XPR1: variants seen among roughly 807,000 people sequenced by gnomAD.
The protein encoded by XPR1 is solute carrier family 53 member 1.
In XPR1, 28 loss-of-function variants were observed where a neutral mutation model predicts 87.5. That is an observed-to-expected ratio of 0.32 (90% confidence interval 0.24 to 0.44). The LOEUF (loss-of-function observed/expected upper bound fraction) is 0.44. Ranked by LOEUF, XPR1 falls within the 20% of genes least tolerant of loss-of-function variation. The pLI, the probability that XPR1 is intolerant of heterozygous loss-of-function variation, is 1.00. For synonymous variants in XPR1, 300 were observed against 306.1 expected, an observed-to-expected ratio of 0.98 and a Z score of 0.21; for missense variants, 559 against 862.3, an observed-to-expected ratio of 0.65 and a Z score of 4.41.
At chr1:180,730,764 G>A (rs1194462560) in intron 2 of XPR1, among the ~76,000 whole-genome samples, 2 of 152,114 alleles carry the variant, frequency 1.3e-5, no homozygotes, top group East Asian at 3.9e-4. Flanking sequence ...CCATGCTCAA[G>A]TGATCCTCCC....
intron 2 of XPR1, among the ~76,000 whole-genome samples, chr1:180,704,539 A>T (rs938023130): frequency 1.5e-4 from 22 of 151,278 alleles, no homozygotes; most frequent in Non-Finnish European, 1.5e-5. Flanking sequence ...TTTTCCAAAG[A>T]TGACCAGTGA....
At chr1:180,829,626 C>G (rs1178565222) in intron 9 of XPR1, among the ~76,000 whole-genome samples, 4 of 151,968 alleles carry the variant, frequency 2.6e-5, no homozygotes, top group Non-Finnish European at 5.9e-5. Context: ...ATTTATTTGC[C>G]CAACTAGACT....
At chr1:180,775,946 C>A (rs1174104649) in intron 2 of XPR1, among the ~76,000 whole-genome samples, 2 of 152,076 alleles carry the variant, frequency 1.3e-5, no homozygotes, top group Non-Finnish European at 2.9e-5. Flanking sequence ...TCAAGAAGTC[C>A]TCTTTCAAAT....
intron 11 of XPR1, 104 bp from the exon 12 acceptor site, chr1:180,863,604 C>T: frequency 9.7e-7 from 1 of 1,026,040 alleles, no homozygotes; most frequent in East Asian, 2.7e-5. Context: ...GCTTTGCTTT[C>T]TTATGGAGCT....
chr1:180,729,398 G>A (rs1658477458), intron 2 of XPR1, among the ~76,000 whole-genome samples: 1 of 152,166 alleles, frequency 6.6e-6, no homozygotes, highest in South Asian at 2.1e-4. Flanking sequence ...GGCAACGGTA[G>A]TTCTGGGTCA....
chr1:180,861,962 C>T (rs186919459), intron 11 of XPR1, among the ~76,000 whole-genome samples: 6 of 151,964 alleles, frequency 3.9e-5, no homozygotes, highest in African/African-American at 1.4e-4. Context: ...CATCCAACCT[C>T]GAGAATAAAA....
At chr1:180,640,289 G>A (rs1654923678) in intron 1 of XPR1, among the ~76,000 whole-genome samples, 1 of 152,166 alleles carries the variant, frequency 6.6e-6, no homozygotes, top group Non-Finnish European at 1.5e-5. Flanking sequence ...AACAGCAGCT[G>A]TTATTTTTTG....
chr1:180,735,434 G>A (rs952525338), intron 2 of XPR1, among the ~76,000 whole-genome samples: 1 of 152,152 alleles, frequency 6.6e-6, no homozygotes, highest in Non-Finnish European at 1.5e-5. Flanking sequence ...GATCCTTTAA[G>A]TTTTTAATTA....
intron 3 of XPR1, among the ~76,000 whole-genome samples, chr1:180,789,595 T>G (rs908675752): frequency 1.3e-5 from 2 of 152,156 alleles, no homozygotes; most frequent in African/African-American, 4.8e-5. Flanking sequence ...TTTTTTCCTT[T>G]TTTTTTGGAG....
At chr1:180,647,985 C>G (rs979180726) in intron 1 of XPR1, among the ~76,000 whole-genome samples, 1 of 150,338 alleles carries the variant, frequency 6.7e-6, no homozygotes, top group Non-Finnish European at 1.5e-5. Context: ...TCTGCATTGT[C>G]CAATATGTGG....
intron 1 of XPR1, among the ~76,000 whole-genome samples, chr1:180,661,838 A>C (rs116839094): frequency 6.6e-6 from 1 of 152,096 alleles, no homozygotes; most frequent in Non-Finnish European, 1.5e-5. Flanking sequence ...TCATGCCACT[A>C]CACTCCAGAC....
chr1:180,756,641 A>G (rs777527744), intron 2 of XPR1, among the ~76,000 whole-genome samples: 3 of 152,182 alleles, frequency 2.0e-5, no homozygotes, highest in Non-Finnish European at 4.4e-5. Context: ...AGTCTAATTT[A>G]TCTCATTTTT....
At chr1:180,677,577 T>G (rs1656409997) in intron 1 of XPR1, among the ~76,000 whole-genome samples, 1 of 152,082 alleles carries the variant, frequency 6.6e-6, no homozygotes, top group Non-Finnish European at 1.5e-5. Context: ...GATCTTAGTT[T>G]TATAATAGCG....
intron 1 of XPR1, among the ~76,000 whole-genome samples, chr1:180,658,194 G>T (rs1655605366): frequency 6.6e-6 from 1 of 152,178 alleles, no homozygotes; most frequent in Non-Finnish European, 1.5e-5. Context: ...TCGGTGGAAT[G>T]TTTAGGTTTT....
chr1:180,731,141 G>T (rs186689463), intron 2 of XPR1, among the ~76,000 whole-genome samples: 1 of 152,020 alleles, frequency 6.6e-6, no homozygotes, highest in Non-Finnish European at 1.5e-5. Context: ...TATTGGTGTC[G>T]ATCTGCACCA....
At chr1:180,820,706 A>G (rs1022171955) in intron 7 of XPR1, among the ~76,000 whole-genome samples, 2 of 152,206 alleles carry the variant, frequency 1.3e-5, no homozygotes, top group African/African-American at 4.8e-5. Context: ...TGTTTTCTGC[A>G]CATCCTTGCC....
At chr1:180,683,025 GGTTT>G (rs1481898490) in intron 2 of XPR1, among the ~76,000 whole-genome samples, 3 of 151,872 alleles carry the variant, frequency 2.0e-5, no homozygotes, top group African/African-American at 7.3e-5. Context: ...ACAATGTGCA[GGTTT>G]GTTACATATG....
At chr1:180,864,747 TA>T (rs1390573548) in intron 12 of XPR1, among the ~76,000 whole-genome samples, 1 of 152,192 alleles carries the variant, frequency 6.6e-6, no homozygotes, top group Admixed American at 6.5e-5. Flanking sequence ...TGTACTCAGA[TA>T]TTTTAGTAAA....
chr1:180,661,240 T>C (rs567702952), intron 1 of XPR1, among the ~76,000 whole-genome samples: 1 of 152,226 alleles, frequency 6.6e-6, no homozygotes, highest in Admixed American at 6.5e-5. Context: ...TTAGAGTGTC[T>C]TTATAGGTGA....
Sources: allele counts gnomAD v4.1 joint callset (sites outside exome capture counted in the v4.1 genomes callset), GRCh38; gene constraint gnomAD v4.1.1; transcripts MANE v1.5; gene names NCBI Gene and HGNC (gene_info 2026-07-23, HGNC 2026-07-21).